The following COPB1 variants were observed in gnomAD, a reference collection of about 807,000 sequenced individuals.
The protein encoded by COPB1 is coat protein complex I subunit beta 1, also known as coatomer subunit beta.
Under a neutral mutation model 108.7 loss-of-function variants are expected in COPB1, and 21 were observed. The observed-to-expected ratio is 0.19, with a 90% CI of 0.14 to 0.28. COPB1 has a LOEUF of 0.28. COPB1 is among the 10% of genes least tolerant of loss of function. The pLI is 1.00. For synonymous variants in COPB1, 378 were observed against 386.8 expected (o/e 0.98, Z 0.27); for missense variants, 919 against 1,141.3 (o/e 0.81, Z 2.81).
At chr11:14,476,039 A>T in intron 12 of COPB1, 94 bp from the exon 13 acceptor site, 2 of 1,135,764 alleles carry the variant, frequency 1.8e-6, no homozygotes, top group Non-Finnish European at 2.4e-6. Context: ...AAAAGGCATT[A>T]CCCTAATGGG....
intron 4 of COPB1, among the ~76,000 whole-genome samples, chr11:14,491,124 C>T (rs1850892074): frequency 6.6e-6 from 1 of 151,716 alleles, no homozygotes; most frequent in Non-Finnish European, 1.5e-5. Context: ...CGGCTTACTG[C>T]AACCTCCGCC....
chr11:14,481,710 C>T (rs775113155), intron 8 of COPB1, among the ~76,000 whole-genome samples: 5 of 152,176 alleles, frequency 3.3e-5, no homozygotes, highest in East Asian at 1.9e-4. Flanking sequence ...AAAAACAATT[C>T]GAAACTGATA....
chr11:14,469,557 C>T lies in COPB1; in HGVS notation c.1744G>A (p.Val582Ile). The T allele has an allele frequency of 6.2e-7, 1 of 1,613,822 alleles. No individual in the cohort carries two copies. The highest frequency in any genetic ancestry group is 8.5e-7 in the Non-Finnish European group (1 of 1,179,762). Reference protein sequence around the residue: ...VQEKKKQNSFVAEAMLLMATI... With the variant: ...VQEKKKQNSFIAEAMLLMATI... ...GCCATGAGCAACATAGCCTCAGCAACAAAAGACTAAGAAAGTAAAGAAATC... is the reference window on the plus strand; with the variant it reads ...GCCATGAGCAACATAGCCTCAGCAATAAAAGACTAAGAAAGTAAAGAAATC... The change falls in exon 15 of 22, where the codon GTT (valine) becomes ATT (isoleucine). Residue 582 changes from valine to isoleucine, a missense_variant. By Grantham distance (29) the Val-to-Ile change is conservative (BLOSUM62 3). Transcript: ENST00000439561.
chr11:14,465,188 G>A (rs770891158), intron 17 of COPB1, among the ~76,000 whole-genome samples, 158 bp from the exon 18 acceptor site: 1 of 151,760 alleles, frequency 6.6e-6, no homozygotes, highest in Non-Finnish European at 1.5e-5. Flanking sequence ...AGAAGAGTAT[G>A]AATCAAATAT....
intron 14 of COPB1, among the ~76,000 whole-genome samples, chr11:14,472,129 C>T (rs1850420277): frequency 6.6e-6 from 1 of 152,114 alleles, no homozygotes; most frequent in African/African-American, 2.4e-5. Flanking sequence ...ACCAACTCTG[C>T]GCTACTACCA....
intron 2 of COPB1, among the ~76,000 whole-genome samples, chr11:14,495,483 G>A (rs893714849): frequency 1.3e-5 from 2 of 152,142 alleles, no homozygotes; most frequent in East Asian, 1.9e-4. Context: ...CGTCAGATGC[G>A]GTGGTTCATC....
At chr11:14,462,064 T>C (rs1226662493) in intron 18 of COPB1, among the ~76,000 whole-genome samples, 1 of 145,168 alleles carries the variant, frequency 6.9e-6, no homozygotes, top group East Asian at 2.0e-4. Context: ...GACACAACCA[T>C]TTTTTTTTTT....
rs777173740 is a variant in COPB1, at chr11:14,475,870, C to G, written c.1531G>C (p.Val511Leu). 1.2e-6 allele frequency: 2 copies of G among 1,613,694 alleles called. No individual in the cohort carries two copies. Among genetic ancestry groups the G allele is most frequent in the East Asian group, 2.2e-5 (1 of 44,876 alleles). The change falls in exon 13 of 22, where the codon GTT becomes CTT. Residue 511 changes from valine to leucine, a missense_variant. Coordinates refer to ENST00000439561, the MANE Select transcript of COPB1 (RefSeq NM_001144061.2). ...CCCATTTCAGTAACCAATTTCTGAA[C>G]TGGCCCTACAGTTATTTCTTCTTCA... ...KPEEEITVGPVQKLVTEMGTY... is the reference protein window; with the variant it reads ...KPEEEITVGPLQKLVTEMGTY...
Position 14,477,032 on chromosome 11 carries a change from T to G in COPB1, c.1359-17A>C. 1 of 1,490,260 alleles carries G rather than the reference T, an allele frequency of 6.7e-7. No homozygotes were observed. Among genetic ancestry groups the G allele is most frequent in the Non-Finnish European group, 9.3e-7 (1 of 1,069,822 alleles). 92.3% of individuals were successfully genotyped at this position (1,490,260 alleles called of 1,614,324 possible). On this transcript the variant is annotated splice_polypyrimidine_tract_variant and intron_variant, in intron 11 of 21. Transcript: ENST00000439561. ...CGGTAAATCCTAGCACAATACAAGA[T>G]CTGAAACATGAACTTGGCAGACAAA...
intron 3 of COPB1, 146 bp downstream of exon 3, chr11:14,494,064 T>C: frequency 1.4e-6 from 1 of 690,870 alleles, no homozygotes; most frequent in Non-Finnish European, 2.3e-6. Context: ...CAATAAAACT[T>C]TTAAAAATAA....
At chr11:14,468,933 G>A in intron 15 of COPB1, 73 bp from the exon 16 acceptor site, 3 of 1,249,838 alleles carry the variant, frequency 2.4e-6, no homozygotes, top group South Asian at 1.4e-5. Context: ...GACAGAGACA[G>A]CCCTCACATA....
At chr11:14,459,567 C>A (rs980461129) in intron 20 of COPB1, among the ~76,000 whole-genome samples, 5 of 151,998 alleles carry the variant, frequency 3.3e-5, no homozygotes, top group African/African-American at 1.2e-4. Context: ...ACAATCAGAG[C>A]CCACGGAAGA....
Position 14,498,844 on chromosome 11 carries a change from C to T in COPB1, c.85G>A (p.Asp29Asn), listed in dbSNP as rs779373696. The change falls in exon 2 of 22, where the codon GAT (aspartate) becomes AAT (asparagine). Residue 29 changes from aspartate to asparagine, a missense_variant. Asp to Asn is a conservative substitution (Grantham distance 23). This residue lies in a region of COPB1 where 92 missense variants were observed against 108.4 expected (regional missense o/e 0.85). Transcript: ENST00000439561. The stretch of plus-strand genomic sequence containing the variant: ...AAATAATATCGAAGTTTACCTAGAT[C>T]ATTTTTTAAGCTAATTTCAGATGGT... ...EPPSEISLKN[D>N]LEKGDVKSKT... 1.9e-6 allele frequency: 3 copies of T among 1,595,300 alleles called. No individual in the cohort carries two copies. Among genetic ancestry groups the T allele is most frequent in the South Asian group, 1.2e-5 (1 of 86,484 alleles).
intron 16 of COPB1, 122 bp downstream of exon 16, chr11:14,468,559 G>A (rs952188165): frequency 1.4e-5 from 13 of 901,888 alleles, no homozygotes; most frequent in Non-Finnish European, 2.0e-5. Context: ...TTCAACTGAG[G>A]TTTAATGGAC....
At chr11:14,461,132 G>T in intron 19 of COPB1, 54 bp downstream of exon 19, 1 of 1,606,642 alleles carries the variant, frequency 6.2e-7, no homozygotes, top group Non-Finnish European at 8.5e-7. Flanking sequence ...CTCCTCAACA[G>T]CAGGCAAAAG....
chr11:14,483,857 G>A (rs530367670), intron 7 of COPB1, among the ~76,000 whole-genome samples: 1 of 152,296 alleles, frequency 6.6e-6, no homozygotes, highest in South Asian at 2.1e-4. Context: ...GCTAAAATAA[G>A]TAGGTGTGAA....
chr11:14,468,553 A>G lies in COPB1; in HGVS notation c.2145+128T>C, dbSNP rs562472460. 2.6e-5 allele frequency: 21 copies of G among 822,148 alleles called. No homozygotes were observed. In the African/African-American group the frequency reaches 3.1e-4, roughly 12 times the overall value. The allele number at this position is 822,148 out of a possible 1,614,324, so 50.9% of individuals were successfully genotyped here. ...GTACTTCATCAGCTTCTGAGTTTCAACTGAGGTTTAATGGACCTATCACAG... is the reference window on the plus strand; with the variant it reads ...GTACTTCATCAGCTTCTGAGTTTCAGCTGAGGTTTAATGGACCTATCACAG... On this transcript the variant is annotated intron_variant, in intron 16 of 21. Transcript: ENST00000439561.
At chr11:14,461,484 TA>T (rs1274616682) in intron 18 of COPB1, 153 bp from the exon 19 acceptor site, 1 of 712,408 alleles carries the variant, frequency 1.4e-6, no homozygotes, top group African/African-American at 1.8e-5. Context: ...ACATGCTTTA[TA>T]AATATTACTG....
intron 15 of COPB1, among the ~76,000 whole-genome samples, chr11:14,469,122 G>A (rs1390757738): frequency 1.3e-5 from 2 of 152,064 alleles, no homozygotes; most frequent in South Asian, 4.1e-4. Flanking sequence ...AGCCTTCCAA[G>A]TAGCTGGAAT....
Sources: gnomAD v4.1 joint callset for allele counts (sites outside exome capture counted in the v4.1 genomes callset) on GRCh38, gnomAD v4.1.1 for gene constraint, gnomAD v4.1.1 regional missense constraint, MANE v1.5 for transcripts, NCBI Gene and HGNC (gene_info 2026-07-23, HGNC 2026-07-21) for gene names.